The following ARHGEF3 variants were observed in gnomAD, a reference collection of about 807,000 sequenced individuals.
ARHGEF3 encodes the protein Rho guanine nucleotide exchange factor 3.
In ARHGEF3, 28 loss-of-function variants were observed where a neutral mutation model predicts 63.2. The observed-to-expected ratio is 0.44, with a 90% CI of 0.33 to 0.61. The LOEUF is 0.61. Ranked by LOEUF, ARHGEF3 falls within the 20% of genes least tolerant of loss-of-function variation. ARHGEF3 has a pLI of 0.03. For synonymous variants in ARHGEF3, 266 were observed against 254.2 expected (o/e 1.05, Z -0.44); for missense variants, 533 against 659.3 (o/e 0.81, Z 2.10).
chr3:57,065,559 G>A (rs1705482698), intron 1 of ARHGEF3, among the ~76,000 whole-genome samples: 1 of 152,198 alleles, frequency 6.6e-6, no homozygotes, highest in Non-Finnish European at 1.5e-5. Context: ...CCGTATGCAT[G>A]TGCTAAAAAA....
chr3:56,873,456 A>C lies in ARHGEF3; in HGVS notation c.192+8836T>G, dbSNP rs550973302. Among the ~76,000 whole-genome samples, 6 of 152,168 alleles carry C rather than the reference A, an allele frequency of 3.9e-5. No individual in the cohort carries two copies. The East Asian group carries it at 7.7e-4, about 20-fold the overall frequency. The stretch of plus-strand genomic sequence containing the variant: ...ATGTGTCCATGTGTTCTCATCATTT[A>C]GCTCCCACTTATAAGGGAGAACATA... On this transcript the variant is annotated intron_variant, in intron 4 of 12. Coordinates refer to the ARHGEF3 transcript ENST00000338458.
At chr3:56,984,113 A>G (rs1317215004) in intron 2 of ARHGEF3, among the ~76,000 whole-genome samples, 1 of 152,152 alleles carries the variant, frequency 6.6e-6, no homozygotes, top group Non-Finnish European at 1.5e-5. Flanking sequence ...CATTGTGGAT[A>G]GCCTCACAGA....
At chr3:56,943,824 A>C (rs1205640090) in intron 3 of ARHGEF3, among the ~76,000 whole-genome samples, 1 of 151,814 alleles carries the variant, frequency 6.6e-6, no homozygotes, top group African/African-American at 2.4e-5. Context: ...CTGAGGCAGG[A>C]GAATCACTTG....
chr3:56,751,782 T>C (rs1051797950), intron 4 of ARHGEF3, among the ~76,000 whole-genome samples: 3 of 152,158 alleles, frequency 2.0e-5, no homozygotes, highest in Non-Finnish European at 4.4e-5. Flanking sequence ...TTTCAATTAG[T>C]ACATATTTAA....
At chr3:56,758,606 A>G (rs1264055259) in intron 2 of ARHGEF3, among the ~76,000 whole-genome samples, 2 of 152,070 alleles carry the variant, frequency 1.3e-5, no homozygotes, top group Non-Finnish European at 2.9e-5. Flanking sequence ...TGGGCTCACT[A>G]ATGAGCTCAT....
chr3:56,936,004 C>T (rs1698883913), intron 3 of ARHGEF3, among the ~76,000 whole-genome samples: 1 of 152,186 alleles, frequency 6.6e-6, no homozygotes, highest in African/African-American at 2.4e-5. Context: ...TCTCTGGCCA[C>T]AGATGACTGA....
At chr3:56,968,350 A>T (rs1391743200) in intron 2 of ARHGEF3, among the ~76,000 whole-genome samples, 12 of 108,626 alleles carry the variant, frequency 1.1e-4, no homozygotes, top group Admixed American at 3.1e-4. Context: ...TAATATATAT[A>T]TTTTTTGAGA....
chr3:56,996,067 C>G (rs1241028948), intron 2 of ARHGEF3, among the ~76,000 whole-genome samples: 3 of 152,124 alleles, frequency 2.0e-5, no homozygotes, highest in Non-Finnish European at 4.4e-5. Context: ...CCAAGCACAG[C>G]CCCCATGAGA....
At chr3:57,042,680 ATATATATATATATATATATATTT>A (rs1704254466) in intron 1 of ARHGEF3, among the ~76,000 whole-genome samples, 2 of 27,718 alleles carry the variant, frequency 7.2e-5, no homozygotes, top group African/African-American at 3.0e-4. Flanking sequence ...ATATATATAT[ATATATATATATATATATATATTT>A]TTTTTTTTTT....
intron 4 of ARHGEF3, among the ~76,000 whole-genome samples, chr3:56,857,223 C>T (rs567268433): frequency 2.2e-4 from 33 of 152,292 alleles, no homozygotes; most frequent in African/African-American, 6.7e-4. Context: ...ACAGTGGCCA[C>T]GGTGGGTTGC....
intron 4 of ARHGEF3, among the ~76,000 whole-genome samples, chr3:56,808,644 T>C (rs1266124014): frequency 2.1e-5 from 2 of 93,842 alleles, no homozygotes; most frequent in Admixed American, 9.8e-5. Flanking sequence ...AATTAGCAAA[T>C]TTTTTTGTTT....
At chr3:56,916,240 C>T in intron 3 of ARHGEF3, 1 of 1,507,834 alleles carries the variant, frequency 6.6e-7, no homozygotes. Context: ...CAGATCCTGG[C>T]ACCACCCCAC....
At chr3:56,778,844 A>G (rs879866756) in intron 1 of ARHGEF3, among the ~76,000 whole-genome samples, 2 of 152,072 alleles carry the variant, frequency 1.3e-5, no homozygotes, top group South Asian at 2.1e-4. Context: ...CTTACAAAAT[A>G]TTATTCTTTT....
intron 4 of ARHGEF3, among the ~76,000 whole-genome samples, chr3:56,830,198 G>A (rs2038881430): frequency 6.6e-6 from 1 of 152,174 alleles, no homozygotes; most frequent in Non-Finnish European, 1.5e-5. Flanking sequence ...TGGTGGTAAT[G>A]ACAGTGGTGA....
intron 2 of ARHGEF3, among the ~76,000 whole-genome samples, chr3:56,968,180 A>T (rs1401219889): frequency 1.4e-4 from 2 of 14,784 alleles, no homozygotes; most frequent in Non-Finnish European, 3.5e-4. Flanking sequence ...ATATATATAA[A>T]AATATATATT....
chr3:56,911,968 C>CATAT (rs200334035), intron 3 of ARHGEF3, among the ~76,000 whole-genome samples: 2 of 150,354 alleles, frequency 1.3e-5, no homozygotes, highest in African/African-American at 4.9e-5. Context: ...TATACACACA[C>CATAT]ATATATATAT....
At chr3:56,944,621 G>C (rs1699380711) in intron 3 of ARHGEF3, among the ~76,000 whole-genome samples, 1 of 98,470 alleles carries the variant, frequency 1.0e-5, no homozygotes, top group African/African-American at 3.1e-5. Flanking sequence ...TTTTTGCTCA[G>C]GCTGGAATGC....
intron 2 of ARHGEF3, among the ~76,000 whole-genome samples, chr3:56,962,968 G>A (rs1218806522): frequency 6.6e-6 from 1 of 152,110 alleles, no homozygotes; most frequent in Non-Finnish European, 1.5e-5. Context: ...CAGCTTCTTA[G>A]TATGGGTTCA....
chr3:57,056,702 T>C (rs1579182633), intron 1 of ARHGEF3, among the ~76,000 whole-genome samples: 1 of 152,150 alleles, frequency 6.6e-6, no homozygotes. Context: ...TAGTTTTTTG[T>C]AGAGACAGGA....
Sources: gnomAD v4.1 joint callset for allele counts (sites outside exome capture counted in the v4.1 genomes callset) on GRCh38, gnomAD v4.1.1 for gene constraint, MANE v1.5 for transcripts, NCBI Gene and HGNC (gene_info 2026-07-23, HGNC 2026-07-21) for gene names.